The following NUDCD3 variants were observed in gnomAD, a reference collection of about 807,000 sequenced individuals.
NUDCD3 encodes the protein nudC domain-containing protein 3.
Under a neutral mutation model 39.7 loss-of-function variants are expected in NUDCD3, and 13 were observed. The ratio of observed to expected loss-of-function variants is 0.33; its 90% CI spans 0.21 to 0.52. The LOEUF (loss-of-function observed/expected upper bound fraction) is 0.52, where lower values mean the gene tolerates loss of function less well. NUDCD3 is among the 20% of genes least tolerant of loss of function. The pLI is 0.96. For synonymous variants in NUDCD3, 175 were observed against 172.4 expected (o/e 1.02, Z -0.12); for missense variants, 453 against 458.1 (o/e 0.99, Z 0.10).
intron 3 of NUDCD3, among the ~76,000 whole-genome samples, chr7:44,415,174 G>A (rs1039434773): frequency 2.6e-5 from 4 of 152,172 alleles, no homozygotes; most frequent in African/African-American, 9.7e-5. Flanking sequence ...CAAAATGAGA[G>A]GTTAAACTAA....
At chr7:44,470,120 T>C (rs1335625841) in intron 2 of NUDCD3, among the ~76,000 whole-genome samples, 1 of 152,252 alleles carries the variant, frequency 6.6e-6, no homozygotes, top group Non-Finnish European at 1.5e-5. Flanking sequence ...TTCGCATGAC[T>C]TCTGCAATTT....
intron 4 of NUDCD3, among the ~76,000 whole-genome samples, chr7:44,400,552 G>T (rs1798702582): frequency 6.6e-6 from 1 of 152,200 alleles, no homozygotes; most frequent in Non-Finnish European, 1.5e-5. Flanking sequence ...ACCTGCACTG[G>T]TGTCTGGGGC....
At chr7:44,438,984 G>A (rs536085830) in intron 2 of NUDCD3, among the ~76,000 whole-genome samples, 2 of 152,148 alleles carry the variant, frequency 1.3e-5, no homozygotes, top group Admixed American at 6.6e-5. Flanking sequence ...GCTACACCTC[G>A]GTGAAGAGGA....
At chr7:44,469,113 AC>A (rs1800196876) in intron 2 of NUDCD3, among the ~76,000 whole-genome samples, 1 of 129,582 alleles carries the variant, frequency 7.7e-6, no homozygotes, top group South Asian at 2.5e-4. Flanking sequence ...AAACAAACAA[AC>A]CAAAAAAAAA....
chr7:44,466,730 T>TC (rs1285906293), intron 2 of NUDCD3, among the ~76,000 whole-genome samples: 2 of 152,236 alleles, frequency 1.3e-5, no homozygotes. Flanking sequence ...TCACAGCTAG[T>TC]CCTACCTACC....
At chr7:44,409,633 A>C (rs1396834266) in intron 3 of NUDCD3, among the ~76,000 whole-genome samples, 1 of 152,170 alleles carries the variant, frequency 6.6e-6, no homozygotes, top group African/African-American at 2.4e-5. Flanking sequence ...AAAGCAATCA[A>C]TAAAATCTGT....
At chr7:44,406,933 G>C (rs1167997457) in intron 3 of NUDCD3, among the ~76,000 whole-genome samples, 1 of 152,130 alleles carries the variant, frequency 6.6e-6, no homozygotes, top group Non-Finnish European at 1.5e-5. Flanking sequence ...TGCAGAGCAG[G>C]AGCAAGGCCA....
chr7:44,484,991 A>T lies in NUDCD3; in HGVS notation c.486T>A (p.Pro162=). Residue 162 remains proline (P), a synonymous_variant, in exon 2 of 6, where the codon CCT becomes CCA. Transcript: ENST00000355451. Reference sequence around the variant, plus strand: ...ACCTGGGAAGAATTGGTGGTTCCCTAGGGACTTCAGCAGCACCAGCAACTG... The same window carrying T: ...ACCTGGGAAGAATTGGTGGTTCCCTTGGGACTTCAGCAGCACCAGCAACTG... ...PGAVAGAAEV[P]REPPILPRIQ... is the part of the protein sequence containing the mutation. The T allele has an allele frequency of 1.2e-6, 2 of 1,612,740 alleles. No homozygotes were observed. Among genetic ancestry groups the T allele is most frequent in the Non-Finnish European group, 1.7e-6 (2 of 1,179,066 alleles).
intron 3 of NUDCD3, among the ~76,000 whole-genome samples, chr7:44,418,221 T>G (rs1293723502): frequency 6.6e-6 from 1 of 152,174 alleles, no homozygotes; most frequent in Non-Finnish European, 1.5e-5. Flanking sequence ...GAGGCAGGAA[T>G]GGGACTAAGC....
intron 3 of NUDCD3, among the ~76,000 whole-genome samples, chr7:44,411,861 G>A (rs1798932247): frequency 6.6e-6 from 1 of 152,224 alleles, no homozygotes; most frequent in Non-Finnish European, 1.5e-5. Context: ...ATGTATGGGT[G>A]GTAAAGGGAA....
chr7:44,489,953 G>A (rs1055973409), intron 1 of NUDCD3: 1 of 156,042 alleles, frequency 6.4e-6, no homozygotes, highest in Non-Finnish European at 1.4e-5. Context: ...TACATTGACA[G>A]TCTTTGACCT....
At chr7:44,487,969 A>T (rs1295721988) in intron 1 of NUDCD3, among the ~76,000 whole-genome samples, 1 of 151,690 alleles carries the variant, frequency 6.6e-6, no homozygotes, top group Non-Finnish European at 1.5e-5. Flanking sequence ...AAAAAATAAA[A>T]AAATAAAAAA....
At chr7:44,393,765 C>G (rs1186170148) in intron 4 of NUDCD3, among the ~76,000 whole-genome samples, 1 of 152,182 alleles carries the variant, frequency 6.6e-6, no homozygotes, top group East Asian at 1.9e-4. Flanking sequence ...CAAGTGAGAG[C>G]AGCTCTCATC....
intron 2 of NUDCD3, among the ~76,000 whole-genome samples, chr7:44,471,440 C>G (rs934588652): frequency 1.3e-5 from 2 of 152,222 alleles, no homozygotes; most frequent in Non-Finnish European, 2.9e-5. Context: ...AGAGGGCCAA[C>G]TGTACATGGT....
intron 2 of NUDCD3, among the ~76,000 whole-genome samples, chr7:44,436,297 T>A (rs1799462551): frequency 6.6e-6 from 1 of 152,174 alleles, no homozygotes; most frequent in East Asian, 1.9e-4. Flanking sequence ...ACCAAAAGTC[T>A]GAGAGTAGGG....
chr7:44,391,578 C>T (rs1306144734), intron 5 of NUDCD3, among the ~76,000 whole-genome samples: 6 of 152,176 alleles, frequency 3.9e-5, no homozygotes, highest in African/African-American at 4.8e-5. Flanking sequence ...GATGACCCCT[C>T]CCCACTGACT....
intron 2 of NUDCD3, among the ~76,000 whole-genome samples, chr7:44,437,538 G>T (rs912831050): frequency 1.3e-5 from 2 of 152,104 alleles, no homozygotes; most frequent in Non-Finnish European, 2.9e-5. Context: ...AGAGGAGAGA[G>T]ACCCCAGGGA....
chr7:44,444,660 T>A (rs1799655996), intron 2 of NUDCD3, among the ~76,000 whole-genome samples: 1 of 152,206 alleles, frequency 6.6e-6, no homozygotes, highest in African/African-American at 2.4e-5. Flanking sequence ...CTATCAGTAA[T>A]GCTGAGTCCT....
intron 2 of NUDCD3, among the ~76,000 whole-genome samples, chr7:44,430,683 C>T (rs1239477546): frequency 2.6e-5 from 4 of 151,656 alleles, no homozygotes; most frequent in Non-Finnish European, 4.4e-5. Flanking sequence ...GAAAAAGAAA[C>T]GGCTCTCTCA....
Sources: allele counts gnomAD v4.1 joint callset (sites outside exome capture counted in the v4.1 genomes callset), GRCh38; gene constraint gnomAD v4.1.1; transcripts MANE v1.5; gene names NCBI Gene and HGNC (gene_info 2026-07-23, HGNC 2026-07-21).